Variants in UGP2 observed in about 807,000 individuals in gnomAD.
The protein encoded by UGP2 is UTP--glucose-1-phosphate uridylyltransferase.
UGP2 carries 40 observed loss-of-function variants against 49.0 expected under a neutral mutation model. That is an observed-to-expected ratio of 0.82 (90% CI 0.63 to 1.06). The LOEUF is 1.06. Among genes scored for constraint, UGP2 ranks in the 50% least tolerant of loss-of-function variants. The pLI, the probability that UGP2 is intolerant of heterozygous loss-of-function variation, is 0.00. For synonymous variants in UGP2, 225 were observed against 213.0 expected (o/e 1.06, Z -0.49); for missense variants, 460 against 603.5 (o/e 0.76, Z 2.49).
At chr2:63,857,766 C>G (rs1328185989) in intron 2 of UGP2, 63 bp from the exon 3 acceptor site, 9 of 1,459,070 alleles carry the variant, frequency 6.2e-6, no homozygotes, top group African/African-American at 2.8e-5. Context: ...TTGTATCTGT[C>G]TTTATGTTTT....
chr2:63,890,259 AT>A, intron 9 of UGP2, 74 bp downstream of exon 9: 2 of 1,129,242 alleles, frequency 1.8e-6, no homozygotes, highest in Non-Finnish European at 2.5e-6. Flanking sequence ...ATAAATTTAC[AT>A]TTACTTTAAG....
intron 3 of UGP2, among the ~76,000 whole-genome samples, chr2:63,866,795 T>G (rs1670214172): frequency 6.6e-6 from 1 of 152,188 alleles, no homozygotes; most frequent in South Asian, 2.1e-4. Flanking sequence ...TGAAATAAGA[T>G]GCTGGAAAAC....
chr2:63,878,135 A>T (rs1319033264), intron 3 of UGP2, among the ~76,000 whole-genome samples: 1 of 151,682 alleles, frequency 6.6e-6, no homozygotes, highest in Non-Finnish European at 1.5e-5. Flanking sequence ...CTTCCAAAGC[A>T]TAATTTTGGG....
At chr2:63,885,914 G>A (rs776230260) in intron 6 of UGP2, 28 bp downstream of exon 6, 12 of 1,506,340 alleles carry the variant, frequency 8.0e-6, no homozygotes, top group Non-Finnish European at 1.1e-5. Context: ...GCAGTTTAGG[G>A]CTTCATGTTT....
intron 2 of UGP2, 147 bp downstream of exon 2, chr2:63,856,580 T>A: frequency 1.1e-6 from 1 of 898,920 alleles, no homozygotes; most frequent in Non-Finnish European, 1.7e-6. Flanking sequence ...TAGAATTGCT[T>A]AACAATTACC....
intron 3 of UGP2, among the ~76,000 whole-genome samples, chr2:63,882,261 C>T (rs1473301436): frequency 6.6e-6 from 1 of 152,150 alleles, no homozygotes; most frequent in African/African-American, 2.4e-5. Context: ...AAATGAGCCA[C>T]TGAACTACTG....
chr2:63,869,723 G>C (rs1234863337), intron 3 of UGP2, among the ~76,000 whole-genome samples: 3 of 152,036 alleles, frequency 2.0e-5, no homozygotes, highest in Admixed American at 2.0e-4. Flanking sequence ...TGTTAGTACT[G>C]GTGTATGTAG....
intron 3 of UGP2, chr2:63,863,059 G>T: frequency 3.4e-6 from 1 of 291,522 alleles, no homozygotes; most frequent in South Asian, 3.2e-5. Flanking sequence ...AAGGATATGG[G>T]TCAGATGTTC....
chr2:63,849,816 G>T (rs1668921490), intron 1 of UGP2, among the ~76,000 whole-genome samples: 1 of 152,144 alleles, frequency 6.6e-6, no homozygotes, highest in South Asian at 2.1e-4. Context: ...CAGCATCTCT[G>T]GGCCCCTGTT....
chr2:63,860,238 G>T (rs1465856583), intron 3 of UGP2, among the ~76,000 whole-genome samples: 2 of 152,150 alleles, frequency 1.3e-5, no homozygotes, highest in Non-Finnish European at 2.9e-5. Flanking sequence ...TTATATCAAA[G>T]GTGTGACATA....
intron 1 of UGP2, among the ~76,000 whole-genome samples, chr2:63,848,241 T>C (rs1023618975): frequency 2.6e-5 from 4 of 152,268 alleles, no homozygotes; most frequent in Admixed American, 2.6e-4. Context: ...ACAATTTCTT[T>C]TCTAAATATC....
chr2:63,854,730 G>A (rs1478652316), intron 1 of UGP2: 1 of 152,216 alleles, frequency 6.6e-6, no homozygotes, highest in African/African-American at 2.4e-5. Flanking sequence ...CAGGCTTGTT[G>A]TAATGTTCTT....
intron 3 of UGP2, among the ~76,000 whole-genome samples, chr2:63,867,674 T>C (rs780796366): frequency 3.3e-5 from 5 of 152,252 alleles, no homozygotes; most frequent in African/African-American, 7.2e-5. Context: ...TATATTTTTA[T>C]ATGTTTGTTA....
chr2:63,862,240 C>G (rs1669898618), intron 3 of UGP2, among the ~76,000 whole-genome samples: 1 of 151,958 alleles, frequency 6.6e-6, no homozygotes, highest in South Asian at 2.1e-4. Context: ...GAATTAGTGG[C>G]ATTTAAAGAA....
chr2:63,855,886 G>C (rs552447446), intron 1 of UGP2: 10 of 233,750 alleles, frequency 4.3e-5, no homozygotes, highest in Non-Finnish European at 8.7e-5. Flanking sequence ...TTATCTAAGA[G>C]GGATTTCCGT....
chr2:63,855,537 T>A, intron 1 of UGP2: 2 of 294,416 alleles, frequency 6.8e-6, no homozygotes, highest in Non-Finnish European at 1.4e-5. Flanking sequence ...TTTTTTTTTT[T>A]TTTTCTCTTT....
chr2:63,873,099 T>C (rs1670668475), intron 3 of UGP2, among the ~76,000 whole-genome samples: 1 of 152,202 alleles, frequency 6.6e-6, no homozygotes, highest in South Asian at 2.1e-4. Flanking sequence ...CATGAACCAC[T>C]CAGCTCTCAG....
At chr2:63,856,729 C>T (rs897692834) in intron 2 of UGP2, 4 of 486,758 alleles carry the variant, frequency 8.2e-6, no homozygotes, top group Admixed American at 4.6e-5. Flanking sequence ...GAAATGCATA[C>T]CTGTGTTCAG....
rs767349375 is a variant in UGP2, at chr2:63,886,339, A to G, written c.874-2A>G. On this transcript the variant is annotated splice_acceptor_variant, in intron 6 of 9. Transcript: ENST00000337130. LOFTEE classifies it high-confidence loss of function. The stretch of plus-strand genomic sequence containing the variant: ...GGCACTCACTATTTTCTGCCTTTCT[A>G]GGGCGGGACACTCACTCAATATGAA... 6.2e-7 allele frequency: 1 copy of G among 1,613,802 alleles called. No individual in the cohort carries two copies.
Sources: gnomAD v4.1 joint callset for allele counts (sites outside exome capture counted in the v4.1 genomes callset) on GRCh38, gnomAD v4.1.1 for gene constraint, MANE v1.5 for transcripts, NCBI Gene and HGNC (gene_info 2026-07-23, HGNC 2026-07-21) for gene names.